Variants in PTPRD observed in about 807,000 individuals in gnomAD.
PTPRD encodes receptor-type tyrosine-protein phosphatase delta.
PTPRD carries 34 observed loss-of-function variants against 214.5 expected under a neutral mutation model. That is an observed-to-expected ratio of 0.16 (90% CI 0.12 to 0.21). The LOEUF (loss-of-function observed/expected upper bound fraction) is 0.21. PTPRD is among the 10% of genes least tolerant of loss of function. PTPRD has a pLI of 1.00. For synonymous variants in PTPRD, 1,128 were observed against 845.7 expected, an observed-to-expected ratio of 1.33 and a Z score of -5.79; for missense variants, 2,545 against 2,398.7, an observed-to-expected ratio of 1.06 and a Z score of -1.27.
At chr9:9,745,353 G>C (rs1332230635) in intron 6 of PTPRD, among the ~76,000 whole-genome samples, 1 of 151,984 alleles carries the variant, frequency 6.6e-6, no homozygotes, top group African/African-American at 2.4e-5. Context: ...TTGTTAAGCT[G>C]CTTCCTAGAA....
At chr9:8,755,529 C>CAT (rs569268236) in intron 11 of PTPRD, among the ~76,000 whole-genome samples, 5,741 of 88,522 alleles carry the variant, frequency 0.065, 254 homozygotes, top group African/African-American at 0.14. Context: ...AACTCTGTCT[C>CAT]AAAAAAAAAA....
At chr9:10,447,122 G>T (rs2130610684) in intron 2 of PTPRD, among the ~76,000 whole-genome samples, 1 of 152,222 alleles carries the variant, frequency 6.6e-6, no homozygotes, top group African/African-American at 2.4e-5. Flanking sequence ...GGCGATTCCT[G>T]TAGTGGAAGC....
At chr9:9,397,424 C>T (rs1587118849) in intron 9 of PTPRD, 25 bp downstream of exon 9, 1 of 152,244 alleles carries the variant, frequency 6.6e-6, no homozygotes, top group East Asian at 1.9e-4. Flanking sequence ...TCCGTGCAGA[C>T]ATAAGATGAG....
intron 8 of PTPRD, among the ~76,000 whole-genome samples, chr9:9,449,458 A>T (rs968173362): frequency 1.3e-5 from 2 of 152,008 alleles, no homozygotes; most frequent in African/African-American, 4.8e-5. Context: ...TGCTGATTGG[A>T]TGTCACCTGT....
At chr9:8,357,519 G>C (rs2077274071) in intron 39 of PTPRD, among the ~76,000 whole-genome samples, 1 of 152,170 alleles carries the variant, frequency 6.6e-6, no homozygotes, top group Non-Finnish European at 1.5e-5. Flanking sequence ...CAAATATACT[G>C]CATTTGAGAC....
At chr9:9,654,633 C>T (rs2096462268) in intron 7 of PTPRD, among the ~76,000 whole-genome samples, 2 of 152,168 alleles carry the variant, frequency 1.3e-5, no homozygotes, top group Non-Finnish European at 2.9e-5. Context: ...GAACATTCTA[C>T]ATTCCCATGT....
intron 37 of PTPRD, among the ~76,000 whole-genome samples, chr9:8,386,940 C>T (rs903898520): frequency 6.6e-6 from 1 of 152,066 alleles, no homozygotes; most frequent in African/African-American, 2.4e-5. Flanking sequence ...GTCATTTAGT[C>T]CCAAGTGTTC....
At chr9:9,790,188 G>C (rs1319647720) in intron 5 of PTPRD, among the ~76,000 whole-genome samples, 1 of 152,146 alleles carries the variant, frequency 6.6e-6, no homozygotes, top group Non-Finnish European at 1.5e-5. Flanking sequence ...GAGTTTCATA[G>C]CCTTAAAAAG....
At chr9:9,257,845 A>G (rs2099978393) in intron 9 of PTPRD, among the ~76,000 whole-genome samples, 1 of 151,938 alleles carries the variant, frequency 6.6e-6, no homozygotes, top group East Asian at 1.9e-4. Context: ...ACTAGCAGGG[A>G]CATTAGGGAC....
intron 3 of PTPRD, among the ~76,000 whole-genome samples, chr9:10,287,926 C>G (rs1319118281): frequency 6.6e-6 from 1 of 151,908 alleles, no homozygotes; most frequent in East Asian, 1.9e-4. Context: ...ACTCCAACCC[C>G]TAATTTTTAT....
intron 11 of PTPRD, among the ~76,000 whole-genome samples, chr9:8,735,409 G>A (rs914442631): frequency 6.6e-6 from 1 of 152,014 alleles, no homozygotes; most frequent in African/African-American, 2.4e-5. Flanking sequence ...CTCCCAAAGT[G>A]CTAGGATTAC....
At chr9:10,528,879 C>T (rs2055181142) in intron 2 of PTPRD, among the ~76,000 whole-genome samples, 1 of 151,922 alleles carries the variant, frequency 6.6e-6, no homozygotes, top group South Asian at 2.1e-4. Context: ...AGAAATTAAA[C>T]ATAATTAAAA....
At chr9:10,095,435 A>C (rs888932849) in intron 3 of PTPRD, among the ~76,000 whole-genome samples, 2 of 151,532 alleles carry the variant, frequency 1.3e-5, no homozygotes, top group Admixed American at 1.3e-4. Context: ...TCTGATACTG[A>C]CAATGCAACA....
At chr9:9,865,945 T>C (rs1008841721) in intron 5 of PTPRD, among the ~76,000 whole-genome samples, 1 of 152,170 alleles carries the variant, frequency 6.6e-6, no homozygotes, top group South Asian at 2.1e-4. Flanking sequence ...CCTCAGTGTG[T>C]TCCTCCCATC....
At chr9:9,299,292 G>A (rs1424173339) in intron 9 of PTPRD, among the ~76,000 whole-genome samples, 1 of 151,628 alleles carries the variant, frequency 6.6e-6, no homozygotes, top group Admixed American at 6.6e-5. Flanking sequence ...TCAACCAAAG[G>A]GTGATTTTGC....
At chr9:8,350,096 T>C (rs1588347185) in intron 39 of PTPRD, among the ~76,000 whole-genome samples, 1 of 152,152 alleles carries the variant, frequency 6.6e-6, no homozygotes, top group African/African-American at 2.4e-5. Context: ...TCTAAAAACA[T>C]GATTGAGTTA....
rs117314054 is a variant in PTPRD at position 9,443,839 on chromosome 9, C to G, written c.-236-46357G>C. On this transcript the variant is annotated intron_variant, in intron 8 of 45. Coordinates refer to ENST00000381196, the MANE Select transcript of PTPRD (RefSeq NM_002839.4). Reference sequence around the variant, plus strand: ...GTAAAAAAGATGATGCTTTAAGCTGCTAAGTTTACAGTGTATTGTTACACA... The same window carrying G: ...GTAAAAAAGATGATGCTTTAAGCTGGTAAGTTTACAGTGTATTGTTACACA... Among the ~76,000 whole-genome samples, 1,012 of 152,294 alleles carry G rather than the reference C, an allele frequency of 6.6e-3. 2 individuals carry two copies. The highest frequency in any genetic ancestry group is 0.027 in the Middle Eastern group (8 of 294).
chr9:9,823,684 G>A (rs776946831), intron 5 of PTPRD, among the ~76,000 whole-genome samples: 1 of 152,028 alleles, frequency 6.6e-6, no homozygotes, highest in East Asian at 1.9e-4. Flanking sequence ...AAAATTTGAT[G>A]TCATGGAGGT....
intron 5 of PTPRD, among the ~76,000 whole-genome samples, chr9:9,872,917 A>T (rs1000615365): frequency 6.6e-6 from 1 of 152,154 alleles, no homozygotes; most frequent in African/African-American, 2.4e-5. Context: ...GGCCTGATTA[A>T]TATTTATTAA....
Sources: gnomAD v4.1 joint callset for allele counts (sites outside exome capture counted in the v4.1 genomes callset) on GRCh38, gnomAD v4.1.1 for gene constraint, MANE v1.5 for transcripts, NCBI Gene and HGNC (gene_info 2026-07-23, HGNC 2026-07-21) for gene names.